Variants in DCC observed in about 807,000 individuals in gnomAD.
The protein encoded by DCC is DCC netrin 1 receptor.
In DCC, 58 loss-of-function variants were observed where a neutral mutation model predicts 172.5. That is an observed-to-expected ratio of 0.34 (90% CI 0.27 to 0.42). The LOEUF (loss-of-function observed/expected upper bound fraction) is 0.42, where lower values mean the gene tolerates loss of function less well. Among genes scored for constraint, DCC ranks in the 10% least tolerant of loss-of-function variants. The probability of loss-of-function intolerance (pLI) is 1.00; values close to 1 mark genes in which losing one functional copy is unlikely to be tolerated. For missense variants in DCC, 1,740 were observed against 1,791.0 expected (o/e 0.97, Z 0.51); for synonymous variants, 709 against 644.5 (o/e 1.10, Z -1.52).
chr18:52,556,096 C>T (rs1238340651), intron 1 of DCC, among the ~76,000 whole-genome samples: 1 of 152,128 alleles, frequency 6.6e-6, no homozygotes. Context: ...GTATAAGCTG[C>T]TCCTAAGTCC....
At position 53,055,176 on chromosome 18, in the gene DCC, T is replaced by A. The variant is rs111646045; in HGVS notation, c.986-8129T>A. On this transcript the variant is annotated intron_variant, in intron 5 of 28. Transcript: ENST00000442544. ...GGGGACACAAAGATAAATAAGACAATCCATGTTCTTAAGGCGTTAGTAGCT... is the reference window on the plus strand; with the variant it reads ...GGGGACACAAAGATAAATAAGACAAACCATGTTCTTAAGGCGTTAGTAGCT... 7.5e-3 allele frequency among the ~76,000 whole-genome samples: 1,136 copies of A among 152,180 alleles called. 19 individuals are homozygous for A. The highest frequency in any genetic ancestry group is 0.026 in the African/African-American group (1,060 of 41,558).
intron 1 of DCC, among the ~76,000 whole-genome samples, chr18:52,630,369 A>C (rs2144878513): frequency 6.6e-6 from 1 of 152,342 alleles, no homozygotes; most frequent in South Asian, 2.1e-4. Flanking sequence ...ATGAAGAAAA[A>C]GCTCAGTCTT....
intron 7 of DCC, among the ~76,000 whole-genome samples, chr18:53,130,808 C>T (rs762336153): frequency 6.6e-6 from 1 of 152,072 alleles, no homozygotes. Context: ...TCTTCACATT[C>T]CATAATCCTT....
intron 2 of DCC, among the ~76,000 whole-genome samples, chr18:52,860,551 A>G (rs1759900394): frequency 2.0e-5 from 3 of 152,262 alleles, no homozygotes; most frequent in Admixed American, 2.0e-4. Context: ...CTTTTGAAAC[A>G]TAATTTCTCC....
At chr18:53,218,862 A>G (rs2055891057) in intron 12 of DCC, among the ~76,000 whole-genome samples, 1 of 152,180 alleles carries the variant, frequency 6.6e-6, no homozygotes, top group Non-Finnish European at 1.5e-5. Flanking sequence ...AATACATACT[A>G]CAACTTAATT....
intron 1 of DCC, among the ~76,000 whole-genome samples, chr18:52,380,662 T>C (rs1366818568): frequency 6.6e-6 from 1 of 152,154 alleles, no homozygotes; most frequent in African/African-American, 2.4e-5. Context: ...TAGACTGTCC[T>C]TGGGCCTCAG....
At chr18:52,575,155 T>A (rs2033380429) in intron 1 of DCC, among the ~76,000 whole-genome samples, 1 of 152,206 alleles carries the variant, frequency 6.6e-6, no homozygotes. Context: ...AGCCCAAGAC[T>A]TTAATGAGTT....
At chr18:52,946,729 G>T (rs1053032219) in intron 5 of DCC, among the ~76,000 whole-genome samples, 1 of 152,024 alleles carries the variant, frequency 6.6e-6, no homozygotes, top group Non-Finnish European at 1.5e-5. Context: ...AAAGTCCAGG[G>T]GTGGAAAGTA....
intron 1 of DCC, among the ~76,000 whole-genome samples, chr18:52,495,583 C>A (rs1315374697): frequency 1.3e-5 from 2 of 152,042 alleles, no homozygotes; most frequent in Admixed American, 6.6e-5. Context: ...TTCATCTTGG[C>A]AGAAACCATG....
intron 15 of DCC, among the ~76,000 whole-genome samples, chr18:53,363,889 G>A (rs2057974283): frequency 6.6e-6 from 1 of 152,102 alleles, no homozygotes; most frequent in South Asian, 2.1e-4. Flanking sequence ...GCAGACTAAG[G>A]TTTGAATATT....
chr18:53,129,076 G>A (rs2043613654), intron 7 of DCC, among the ~76,000 whole-genome samples: 2 of 151,560 alleles, frequency 1.3e-5, no homozygotes, highest in South Asian at 4.2e-4. Flanking sequence ...TAGTGGAGAT[G>A]ACGTTTCACC....
At chr18:52,652,974 A>G (rs1212345558) in intron 1 of DCC, among the ~76,000 whole-genome samples, 8 of 152,118 alleles carry the variant, frequency 5.3e-5, no homozygotes, top group Admixed American at 5.2e-4. Flanking sequence ...GGGAAAGGGT[A>G]TATCAATTAC....
At chr18:52,902,797 G>C (rs970556860) in intron 2 of DCC, among the ~76,000 whole-genome samples, 1 of 152,146 alleles carries the variant, frequency 6.6e-6, no homozygotes, top group African/African-American at 2.4e-5. Context: ...ACTTAGAATT[G>C]CTTTTGAATG....
intron 2 of DCC, among the ~76,000 whole-genome samples, chr18:52,807,800 T>G (rs2145241130): frequency 6.6e-6 from 1 of 152,314 alleles, no homozygotes; most frequent in East Asian, 1.9e-4. Flanking sequence ...TTAACATAGG[T>G]GCAGATTTAA....
At chr18:53,089,561 T>C (rs1394526554) in intron 7 of DCC, among the ~76,000 whole-genome samples, 2 of 148,676 alleles carry the variant, frequency 1.3e-5, no homozygotes, top group Admixed American at 6.7e-5. Context: ...GATGGACTTA[T>C]TTTTTCCTCC....
chr18:52,450,885 C>T (rs977977963), intron 1 of DCC, among the ~76,000 whole-genome samples: 3 of 151,944 alleles, frequency 2.0e-5, no homozygotes, highest in Non-Finnish European at 4.4e-5. Context: ...CAAAAAAATC[C>T]AAAAAAGTAT....
intron 1 of DCC, among the ~76,000 whole-genome samples, chr18:52,365,238 C>G (rs1373813178): frequency 6.6e-6 from 1 of 152,154 alleles, no homozygotes; most frequent in Non-Finnish European, 1.5e-5. Flanking sequence ...TAGTGTTATC[C>G]TTCGCAGTAG....
chr18:52,642,014 GTA>G (rs1193018662), intron 1 of DCC, among the ~76,000 whole-genome samples: 10 of 34,508 alleles, frequency 2.9e-4, no homozygotes, highest in African/African-American at 7.8e-4. Context: ...GTGTGTGTGT[GTA>G]TATATATATA....
chr18:52,398,125 G>GTACATACAT (rs1555678104), intron 1 of DCC, among the ~76,000 whole-genome samples: 4 of 151,810 alleles, frequency 2.6e-5, no homozygotes, highest in Non-Finnish European at 5.9e-5. Context: ...AACTTTGACG[G>GTACATACAT]TACATACATT....
Sources: allele counts gnomAD v4.1 joint callset (sites outside exome capture counted in the v4.1 genomes callset), GRCh38; gene constraint gnomAD v4.1.1; transcripts MANE v1.5; gene names NCBI Gene and HGNC (gene_info 2026-07-23, HGNC 2026-07-21).